The following PTPRD variants were observed in gnomAD, a reference collection of about 807,000 sequenced individuals.
The protein encoded by PTPRD is receptor-type tyrosine-protein phosphatase delta.
A neutral mutation model predicts 214.5 loss-of-function variants in PTPRD; 34 were observed. The ratio of observed to expected loss-of-function variants is 0.16; its 90% confidence interval spans 0.12 to 0.21. The LOEUF (loss-of-function observed/expected upper bound fraction) is 0.21. PTPRD is among the 10% of genes least tolerant of loss of function. The pLI is 1.00. For synonymous variants in PTPRD, 1,128 were observed against 845.7 expected (o/e 1.33, Z -5.79); for missense variants, 2,545 against 2,398.7 (o/e 1.06, Z -1.27).
chr9:10,288,571 C>T (rs942158), intron 3 of PTPRD, among the ~76,000 whole-genome samples: 53,882 of 151,940 alleles, frequency 0.35, 11,729 homozygotes, highest in African/African-American at 0.58. Flanking sequence ...ATATGATGCA[C>T]GCAAATGCAG....
At chr9:8,320,618 G>C (rs1421964487) in intron 44 of PTPRD, among the ~76,000 whole-genome samples, 1 of 151,918 alleles carries the variant, frequency 6.6e-6, no homozygotes, top group Non-Finnish European at 1.5e-5. Context: ...TTGAGACTTA[G>C]AACTTTCAAC....
At chr9:8,499,263 T>C (rs938763740) in intron 25 of PTPRD, among the ~76,000 whole-genome samples, 15 of 152,160 alleles carry the variant, frequency 9.9e-5, no homozygotes, top group Admixed American at 8.5e-4. Flanking sequence ...AACAACTAAG[T>C]TGCAAGTTGT....
At chr9:8,651,466 TTC>T (rs2096806689) in intron 12 of PTPRD, among the ~76,000 whole-genome samples, 1 of 152,102 alleles carries the variant, frequency 6.6e-6, no homozygotes, top group Non-Finnish European at 1.5e-5. Context: ...TAGGGTACGA[TTC>T]CTTGGTTTGT....
At chr9:8,774,400 G>A (rs1222794376) in intron 11 of PTPRD, among the ~76,000 whole-genome samples, 3 of 152,074 alleles carry the variant, frequency 2.0e-5, no homozygotes, top group Admixed American at 6.6e-5. Context: ...AGAGATTACA[G>A]GAGAGAGCTG....
intron 11 of PTPRD, among the ~76,000 whole-genome samples, chr9:8,980,173 A>T (rs761471624): frequency 1.1e-4 from 17 of 152,054 alleles, no homozygotes; most frequent in South Asian, 2.1e-4. Flanking sequence ...GAATTTTTTT[A>T]AAAAAAGAAG....
chr9:10,133,696 T>C (rs961050562), intron 3 of PTPRD, among the ~76,000 whole-genome samples: 21 of 152,120 alleles, frequency 1.4e-4, no homozygotes, highest in African/African-American at 4.8e-4. Context: ...CACCAATAGA[T>C]AGTAACAAAG....
intron 5 of PTPRD, among the ~76,000 whole-genome samples, chr9:9,882,224 A>G (rs184751531): frequency 1.3e-5 from 2 of 152,122 alleles, no homozygotes; most frequent in Admixed American, 1.3e-4. Context: ...TCTCCTCATT[A>G]TCATGTCTCT....
At position 8,630,345 on chromosome 9, in the gene PTPRD, T is replaced by C. The variant is rs150348790; in HGVS notation, c.352+2972A>G. ...ATAAACCTCTTCACACTCATTTATT[T>C]AGCTATTCATGATGTTCAAAGTCTA... is the stretch of plus-strand genomic sequence containing the variant. On this transcript the variant is annotated intron_variant, in intron 14 of 45. Coordinates refer to ENST00000381196, the MANE Select transcript of PTPRD (RefSeq NM_002839.4). 1.2e-3 allele frequency among the ~76,000 whole-genome samples: 185 copies of C among 151,974 alleles called. 2 individuals carry two copies. Among genetic ancestry groups the C allele is most frequent in the African/African-American group, 4.3e-3 (179 of 41,500 alleles).
At chr9:9,612,117 T>C (rs1029820280) in intron 7 of PTPRD, among the ~76,000 whole-genome samples, 3 of 152,168 alleles carry the variant, frequency 2.0e-5, no homozygotes, top group Non-Finnish European at 4.4e-5. Context: ...TAAATGAATA[T>C]AGAAAATTGT....
chr9:9,491,833 A>G (rs1450356345), intron 8 of PTPRD, among the ~76,000 whole-genome samples: 5 of 152,040 alleles, frequency 3.3e-5, no homozygotes, highest in Non-Finnish European at 5.9e-5. Context: ...TATCTTTACA[A>G]CTAATTAGAA....
At chr9:8,493,095 T>C (rs1421192407) in intron 26 of PTPRD, 116 bp from the exon 27 acceptor site, 3 of 823,934 alleles carry the variant, frequency 3.6e-6, no homozygotes, top group Admixed American at 2.0e-5. Context: ...GCAGCCATGC[T>C]AAGCCCTGGA....
At chr9:8,534,322 T>C (rs937617697) in intron 14 of PTPRD, among the ~76,000 whole-genome samples, 3 of 151,902 alleles carry the variant, frequency 2.0e-5, no homozygotes, top group Non-Finnish European at 4.4e-5. Context: ...ACTGTTATTC[T>C]ATCTATAGAA....
intron 3 of PTPRD, among the ~76,000 whole-genome samples, chr9:10,177,163 TG>T (rs2099253581): frequency 6.6e-5 from 10 of 152,030 alleles, no homozygotes; most frequent in Admixed American, 3.9e-4. Flanking sequence ...GTAGTATACT[TG>T]GTTTCATCGT....
At chr9:9,204,264 C>T (rs185836586) in intron 9 of PTPRD, among the ~76,000 whole-genome samples, 66 of 152,248 alleles carry the variant, frequency 4.3e-4, no homozygotes, top group African/African-American at 1.5e-3. Context: ...GTTTCATTAG[C>T]GAATATGTCT....
intron 35 of PTPRD, among the ~76,000 whole-genome samples, chr9:8,424,697 A>C (rs2094553348): frequency 6.6e-6 from 1 of 151,708 alleles, no homozygotes; most frequent in Admixed American, 6.6e-5. Flanking sequence ...AGAAAAGGGA[A>C]GGAAAGAGGA....
intron 9 of PTPRD, among the ~76,000 whole-genome samples, chr9:9,200,077 A>C (rs1295335347): frequency 6.6e-6 from 1 of 152,228 alleles, no homozygotes; most frequent in Non-Finnish European, 1.5e-5. Flanking sequence ...GTTGAAGGCT[A>C]ATGTTGACTC....
chr9:10,142,602 A>G (rs967415607), intron 3 of PTPRD, among the ~76,000 whole-genome samples: 20 of 150,240 alleles, frequency 1.3e-4, no homozygotes, highest in African/African-American at 4.9e-4. Context: ...TTAGAATGGC[A>G]ATCATTAAAA....
chr9:8,557,998 G>T (rs1013497090), intron 14 of PTPRD, among the ~76,000 whole-genome samples: 1 of 151,762 alleles, frequency 6.6e-6, no homozygotes, highest in Non-Finnish European at 1.5e-5. Flanking sequence ...TAACTGTGAA[G>T]CCTGAAAAAA....
intron 14 of PTPRD, among the ~76,000 whole-genome samples, chr9:8,602,757 T>C (rs1019334863): frequency 6.6e-6 from 1 of 152,198 alleles, no homozygotes; most frequent in African/African-American, 2.4e-5. Context: ...TGCAGTTACA[T>C]AAATAAATGA....
Sources: gnomAD v4.1 joint callset for allele counts (sites outside exome capture counted in the v4.1 genomes callset) on GRCh38, gnomAD v4.1.1 for gene constraint, MANE v1.5 for transcripts, NCBI Gene and HGNC (gene_info 2026-07-23, HGNC 2026-07-21) for gene names.